RHBDF1: variants seen among roughly 807,000 people sequenced by gnomAD.
The protein encoded by RHBDF1 is inactive rhomboid protein 1.
In RHBDF1, 80 loss-of-function variants were observed where a neutral mutation model predicts 98.6. That is an observed-to-expected ratio of 0.81 (90% CI 0.68 to 0.98). The LOEUF (loss-of-function observed/expected upper bound fraction) is 0.98. RHBDF1 is among the 50% of genes least tolerant of loss of function. RHBDF1 has a pLI of 0.00. For synonymous variants in RHBDF1, 512 were observed against 486.8 expected (o/e 1.05, Z -0.68); for missense variants, 1,116 against 1,198.3 (o/e 0.93, Z 1.01).
intron 1 of RHBDF1, among the ~76,000 whole-genome samples, chr16:68,366 CAA>C (rs1489220843): frequency 2.6e-5 from 4 of 152,164 alleles, no homozygotes; most frequent in African/African-American, 7.2e-5. Flanking sequence ...CCAGGCTGGA[CAA>C]AGAGTCTGGC....
In RHBDF1 at chr16:61,966, G is replaced by A. The variant is rs781202738; in HGVS notation, c.1040C>T (p.Thr347Ile). 15 of 1,592,216 alleles carry A rather than the reference G, an allele frequency of 9.4e-6. No individual in the cohort carries two copies. In the Admixed American group the frequency reaches 1.5e-4, roughly 16 times the overall value. Residue 347 changes from threonine (T) to isoleucine (I), a missense_variant, in exon 8 of 18, where the codon ACC becomes ATC. Transcript: ENST00000262316. ...KVRLRQEVVS[T>I]AGPRRGQRIA... ...ACGCTGGCCCCGTCGCGGCCCCGCGGTGCTCACCACCTCCTGTCGGAGCCG... is the reference window on the plus strand; with the variant it reads ...ACGCTGGCCCCGTCGCGGCCCCGCGATGCTCACCACCTCCTGTCGGAGCCG...
chr16:62,572 C>A lies in RHBDF1; in HGVS notation c.919G>T (p.Asp307Tyr). The change falls in exon 7 of 18, where the codon GAC (aspartate) becomes TAC (tyrosine). Residue 307 changes from aspartate to tyrosine, a missense_variant. By Grantham distance (160) the Asp-to-Tyr change is radical. Transcript: ENST00000262316. ...TGGCTGCGCTCAAGCTCGCTGCGGT[C>A]CAGGGCCCCGCCGGTGAGGTCCGCC... ...EQADLTGGAL[D>Y]RSELERSHLM... 6 of 1,613,408 alleles carry A rather than the reference C, an allele frequency of 3.7e-6. No homozygotes were observed. The highest frequency in any genetic ancestry group is 3.4e-6 in the Non-Finnish European group (4 of 1,180,012).
chr16:60,724 T>C (rs1435730661), intron 11 of RHBDF1, 185 bp from the exon 12 acceptor site: 2 of 586,894 alleles, frequency 3.4e-6, no homozygotes, highest in Admixed American at 6.3e-5. Flanking sequence ...ATAATTCCTG[T>C]TAGCTGAAAA....
chr16:72,968 G>A (rs1411534302), upstream of RHBDF1, among the ~76,000 whole-genome samples: 1 of 152,126 alleles, frequency 6.6e-6, no homozygotes, highest in African/African-American at 2.4e-5. Context: ...GGGGTAAAGG[G>A]CGGAGGATGG....
intron 11 of RHBDF1, chr16:60,781 C>T (rs1209046624): frequency 8.8e-6 from 5 of 570,374 alleles, no homozygotes; most frequent in African/African-American, 3.8e-5. Context: ...GTATGGACTA[C>T]GGCACTTCCA....
Position 58,247 on chromosome 16 carries a change from G to T in RHBDF1, c.*93C>A. The stretch of plus-strand genomic sequence containing the variant: ...CAGGAAACAGGCCAGTCCCCACATG[G>T]AGCAGGTGACTCCTGTAAGCCTGTG... On this transcript the variant is annotated 3_prime_UTR_variant, in exon 18 of 18. Transcript: ENST00000262316. 8.0e-7 allele frequency: 1 copy of T among 1,250,902 alleles called. No individual in the cohort carries two copies. The highest frequency in any genetic ancestry group is 1.4e-5 in the South Asian group (1 of 70,466). 77.5% of individuals were successfully genotyped at this position (1,250,902 alleles called of 1,614,324 possible).
At position 58,176 on chromosome 16, in the gene RHBDF1, A is replaced by G; in HGVS notation, c.*164T>C. 2 of 640,088 alleles carry G rather than the reference A, an allele frequency of 3.1e-6. No individual in the cohort carries two copies. Among genetic ancestry groups the G allele is most frequent in the Non-Finnish European group, 5.3e-6 (2 of 374,788 alleles). 39.7% of individuals were successfully genotyped at this position (640,088 alleles called of 1,614,324 possible). A position where few individuals can be genotyped will look rare whatever the true frequency, so the allele number is the denominator to read the frequency against. On this transcript the variant is annotated 3_prime_UTR_variant, in exon 18 of 18. Transcript: ENST00000262316. Reference sequence around the variant, plus strand: ...AGTATAATAAATGCCCGGCAGTACGAGGGGTTCAACAGAAGTGAACAAGGC... The same window carrying G: ...AGTATAATAAATGCCCGGCAGTACGGGGGGTTCAACAGAAGTGAACAAGGC...
rs1897564689 is a variant in RHBDF1 at position 60,387 on chromosome 16, C to G, written c.1658+52G>C. 3 of 1,598,528 alleles carry G rather than the reference C, an allele frequency of 1.9e-6. No individual in the cohort carries two copies. The South Asian group carries it at 3.3e-5, about 18-fold the overall frequency. Reference sequence around the variant, plus strand: ...CCCCTACACCCTCTGCACCACAGCCCCCGGGGAAGGTGTGGACAAAGGCAG... The same window carrying G: ...CCCCTACACCCTCTGCACCACAGCCGCCGGGGAAGGTGTGGACAAAGGCAG... On this transcript the variant is annotated intron_variant, in intron 12 of 17. Coordinates refer to ENST00000262316, the MANE Select transcript of RHBDF1 (RefSeq NM_022450.5).
At chr16:68,975 C>G (rs1238785155) in intron 1 of RHBDF1, among the ~76,000 whole-genome samples, 3 of 152,198 alleles carry the variant, frequency 2.0e-5, no homozygotes, top group Admixed American at 2.0e-4. Context: ...AAGCAAGCCT[C>G]AGCTTTCCCA....
At chr16:76,055 A>G (rs1400518060), upstream of RHBDF1, among the ~76,000 whole-genome samples, 1 of 152,168 alleles carries the variant, frequency 6.6e-6, no homozygotes, top group Non-Finnish European at 1.5e-5. Context: ...GCCCCTCCAC[A>G]GCCTGTGGCC....
At chr16:68,416 C>T (rs931143381) in intron 1 of RHBDF1, among the ~76,000 whole-genome samples, 1 of 152,324 alleles carries the variant, frequency 6.6e-6, no homozygotes, top group South Asian at 2.1e-4. Context: ...GACAGTGGCT[C>T]AGTGTCCAGG....
Position 59,513 on chromosome 16 carries a change from G to A in RHBDF1, c.1818-19C>T. On this transcript the variant is annotated intron_variant, in intron 14 of 17. Coordinates refer to ENST00000262316, the MANE Select transcript of RHBDF1 (RefSeq NM_022450.5). Reference sequence around the variant, plus strand: ...CTCACACCTAGAAAGGCAGGCCAGGGTTCGGAGACTGCTGCCTTGCAGAGG... The same window carrying A: ...CTCACACCTAGAAAGGCAGGCCAGGATTCGGAGACTGCTGCCTTGCAGAGG... 1.9e-6 allele frequency: 3 copies of A among 1,609,384 alleles called. No individual in the cohort carries two copies. The highest frequency in any genetic ancestry group is 2.5e-6 in the Non-Finnish European group (3 of 1,177,282).
chr16:74,421 C>T (rs1317553055), upstream of RHBDF1, among the ~76,000 whole-genome samples: 1 of 152,166 alleles, frequency 6.6e-6, no homozygotes, highest in Non-Finnish European at 1.5e-5. Flanking sequence ...CACCTAGACC[C>T]GCTCCAAGAC....
At chr16:70,055 CAG>C (rs1456510503) in intron 1 of RHBDF1, among the ~76,000 whole-genome samples, 6 of 151,574 alleles carry the variant, frequency 4.0e-5, no homozygotes, top group Non-Finnish European at 8.8e-5. Flanking sequence ...AAATGTGGCA[CAG>C]GGGTCACCAG....
intron 1 of RHBDF1, among the ~76,000 whole-genome samples, chr16:66,504 T>C (rs1371131924): frequency 6.6e-6 from 1 of 152,118 alleles, no homozygotes; most frequent in Non-Finnish European, 1.5e-5. Flanking sequence ...CTTCCGACCC[T>C]GTACTACCAG....
At position 72,529 on chromosome 16, in the gene RHBDF1, T is replaced by TCTGGGGGGTCC. The variant is rs1299078435; in HGVS notation, c.-52_-42dup. On this transcript the variant is annotated 5_prime_UTR_variant, in exon 1 of 18. Coordinates refer to ENST00000262316, the MANE Select transcript of RHBDF1 (RefSeq NM_022450.5). Reference sequence around the variant, plus strand: ...CTCACTCACTGCCGCCGCCGGGGGCTCTGGGGGGTCCTGAGGGCGCCGGGG... The same window carrying TCTGGGGGGTCC: ...CTCACTCACTGCCGCCGCCGGGGGCTCTGGGGGGTCCCTGGGGGGTCCTGAGGGCGCCGGGG... 1 of 968,862 alleles carries TCTGGGGGGTCC rather than the reference T, an allele frequency of 1.0e-6. No homozygotes were observed. Among genetic ancestry groups the TCTGGGGGGTCC allele is most frequent in the Non-Finnish European group, 1.2e-6 (1 of 823,390 alleles). The allele number at this position is 968,862 out of a possible 1,614,324, so 60.0% of individuals were successfully genotyped here.
chr16:68,530 G>A (rs554024655), intron 1 of RHBDF1, among the ~76,000 whole-genome samples: 257 of 152,332 alleles, frequency 1.7e-3, no homozygotes, highest in African/African-American at 5.8e-3. Flanking sequence ...TGGGGAAACC[G>A]TGGCCCACGG....
Position 59,313 on chromosome 16 carries a change from A to G in RHBDF1, c.1930T>C (p.Phe644Leu), listed in dbSNP as rs972294017. ...TGGTCAGGCACCTCGGGGTTGAGAA[A>G]AGGCAGGAGCCCACACACATCATCC... ...CMDDVCGLLP[F>L]LNPEVPDQFY... Residue 644 changes from phenylalanine (F) to leucine (L), a missense_variant, in exon 16 of 18, where the codon TTT becomes CTT. Physicochemically the swap from Phe to Leu is conservative, Grantham distance 22. Coordinates refer to ENST00000262316, the MANE Select transcript of RHBDF1 (RefSeq NM_022450.5). 6.2e-6 allele frequency: 10 copies of G among 1,612,160 alleles called. No homozygotes were observed. The highest frequency in any genetic ancestry group is 7.6e-6 in the Non-Finnish European group (9 of 1,179,008).
At position 64,928 on chromosome 16, in the gene RHBDF1, G is replaced by A. The variant is rs1567117133; in HGVS notation, c.88C>T (p.Leu30=). ...AGGAAGCTGGGCTCTTCTGCCGTCAGGGGCACCGCAGAGGGAATGTCCAGC... is the reference window on the plus strand; with the variant it reads ...AGGAAGCTGGGCTCTTCTGCCGTCAAGGGCACCGCAGAGGGAATGTCCAGC... The part of the protein sequence containing the change: ...LKLDIPSAVP[L]TAEEPSFLQP... Residue 30 remains leucine, a synonymous_variant, in exon 2 of 18, where the codon CTG becomes TTG. Coordinates refer to ENST00000262316, the MANE Select transcript of RHBDF1 (RefSeq NM_022450.5). 27 of 1,603,062 alleles carry A rather than the reference G, an allele frequency of 1.7e-5. No individual in the cohort carries two copies. The highest frequency in any genetic ancestry group is 2.3e-5 in the Non-Finnish European group (27 of 1,172,652).
Sources: allele counts gnomAD v4.1 joint callset (sites outside exome capture counted in the v4.1 genomes callset), GRCh38; gene constraint gnomAD v4.1.1; transcripts MANE v1.5; gene names NCBI Gene and HGNC (gene_info 2026-07-23, HGNC 2026-07-21).